MCPH1: variants seen among roughly 807,000 people sequenced by gnomAD.
The protein encoded by MCPH1 is microcephalin.
MCPH1 carries 104 observed loss-of-function variants against 84.5 expected under a neutral mutation model. That is an observed-to-expected ratio of 1.23 (90% confidence interval 1.05 to 1.45). The LOEUF (loss-of-function observed/expected upper bound fraction) is 1.45. Among genes scored for constraint, MCPH1 ranks in the 40% most tolerant of loss-of-function variants. The pLI is 0.00. For missense variants in MCPH1, 1,498 were observed against 1,005.7 expected, an observed-to-expected ratio of 1.49 and a Z score of -6.62; for synonymous variants, 514 against 366.8, an observed-to-expected ratio of 1.40 and a Z score of -4.58.
chr8:6,599,942 C>G (rs1240405562), intron 12 of MCPH1, among the ~76,000 whole-genome samples: 1 of 152,210 alleles, frequency 6.6e-6, no homozygotes, highest in Non-Finnish European at 1.5e-5. Flanking sequence ...GTAACCATTA[C>G]TCTGGGGAAT....
chr8:6,553,199 G>C (rs1415599336), intron 12 of MCPH1, among the ~76,000 whole-genome samples: 1 of 152,278 alleles, frequency 6.6e-6, no homozygotes, highest in African/African-American at 2.4e-5. Flanking sequence ...TGTGTGCCAC[G>C]GAGGGGGGAT....
chr8:6,487,976 A>G (rs1325897326), intron 11 of MCPH1, among the ~76,000 whole-genome samples: 1 of 152,252 alleles, frequency 6.6e-6, no homozygotes, highest in Non-Finnish European at 1.5e-5. Context: ...GTTTTAAGGC[A>G]GTGACTATGG....
At chr8:6,606,717 G>C (rs1454330873) in intron 12 of MCPH1, among the ~76,000 whole-genome samples, 1 of 152,208 alleles carries the variant, frequency 6.6e-6, no homozygotes, top group African/African-American at 2.4e-5. Flanking sequence ...ATGCGGTTTG[G>C]CTATGTCCCC....
At chr8:6,529,011 C>G (rs1456313415) in intron 12 of MCPH1, among the ~76,000 whole-genome samples, 1 of 152,178 alleles carries the variant, frequency 6.6e-6, no homozygotes, top group African/African-American at 2.4e-5. Flanking sequence ...TTGGTTATTT[C>G]TAAAAGGAAC....
At chr8:6,514,549 G>T in intron 12 of MCPH1, 1 of 795,154 alleles carries the variant, frequency 1.3e-6, no homozygotes. Flanking sequence ...GGAGACTGAA[G>T]CACCAATTTT....
intron 12 of MCPH1, among the ~76,000 whole-genome samples, chr8:6,518,621 T>C (rs537737678): frequency 3.5e-4 from 53 of 152,322 alleles, no homozygotes; most frequent in African/African-American, 1.3e-3. Context: ...AAAGTGTTTT[T>C]CTTTGATACT....
intron 2 of MCPH1, among the ~76,000 whole-genome samples, chr8:6,413,912 G>T (rs185230781): frequency 2.6e-5 from 4 of 151,940 alleles, no homozygotes; most frequent in Admixed American, 2.0e-4. Flanking sequence ...GAACCTCCAC[G>T]CTTGGCTAAT....
At chr8:6,605,411 A>T (rs1829684714) in intron 12 of MCPH1, among the ~76,000 whole-genome samples, 1 of 152,174 alleles carries the variant, frequency 6.6e-6, no homozygotes, top group Non-Finnish European at 1.5e-5. Context: ...TGCATTCCCC[A>T]AAAGCAGAAA....
chr8:6,421,502 G>GTTTATTATT (rs1800192196), intron 3 of MCPH1, among the ~76,000 whole-genome samples: 1 of 150,354 alleles, frequency 6.7e-6, no homozygotes, highest in Non-Finnish European at 1.5e-5. Context: ...CTGCCATACT[G>GTTTATTATT]TTTATTTTTT....
At chr8:6,579,723 A>C (rs1827397983) in intron 12 of MCPH1, among the ~76,000 whole-genome samples, 1 of 152,222 alleles carries the variant, frequency 6.6e-6, no homozygotes, top group African/African-American at 2.4e-5. Context: ...GAAAAACCAA[A>C]GGACACCAAC....
At chr8:6,406,766 G>C (rs544543575) in intron 1 of MCPH1, 77 bp downstream of exon 1, 50 of 1,525,356 alleles carry the variant, frequency 3.3e-5, no homozygotes, top group Non-Finnish European at 6.3e-6. Context: ...GCACTCGGGG[G>C]ATCCCGTGGG....
intron 12 of MCPH1, among the ~76,000 whole-genome samples, chr8:6,541,791 G>A (rs1175260770): frequency 6.6e-6 from 1 of 152,084 alleles, no homozygotes; most frequent in East Asian, 1.9e-4. Flanking sequence ...ATCACTTGAG[G>A]TCAGCAGTTC....
intron 11 of MCPH1, among the ~76,000 whole-genome samples, chr8:6,497,903 C>G (rs992341662): frequency 1.2e-4 from 18 of 152,252 alleles, no homozygotes; most frequent in Non-Finnish European, 1.5e-5. Flanking sequence ...TTATGATGTC[C>G]TATACCACAA....
Position 6,444,746 on chromosome 8 carries a change from C to T in MCPH1, c.1024C>T (p.His342Tyr), listed in dbSNP as rs866353500. The change falls in exon 8 of 14, where the codon CAC (histidine) becomes TAC (tyrosine). Residue 342 changes from histidine to tyrosine, a missense_variant. Transcript: ENST00000344683. Reference protein sequence around the residue: ...LSPTLSSTKGHLLIHSRPRSS... With the variant: ...LSPTLSSTKGYLLIHSRPRSS... ...TCCTACCTTATCTTCAACAAAAGGC[C>T]ACCTTTTGATACATTCAAGACCCAG... 4 of 1,614,008 alleles carry T rather than the reference C, an allele frequency of 2.5e-6. No homozygotes were observed. In the African/African-American group the frequency reaches 4.0e-5, roughly 16 times the overall value.
At chr8:6,481,562 C>G (rs115296344) in intron 11 of MCPH1, among the ~76,000 whole-genome samples, 92 of 152,272 alleles carry the variant, frequency 6.0e-4, no homozygotes, top group Non-Finnish European at 9.0e-4. Flanking sequence ...TATCCGTCTT[C>G]CCTCCTCCTC....
At chr8:6,479,903 G>C (rs1209941815) in intron 10 of MCPH1, among the ~76,000 whole-genome samples, 2 of 152,088 alleles carry the variant, frequency 1.3e-5, no homozygotes, top group Non-Finnish European at 1.5e-5. Context: ...TCCCAGATTT[G>C]ATTTGATGAT....
intron 12 of MCPH1, chr8:6,521,152 G>A (rs1817257216): frequency 6.3e-7 from 1 of 1,592,276 alleles, no homozygotes; most frequent in Non-Finnish European, 8.6e-7. Context: ...TATTAACGCT[G>A]AAGAAAGCAT....
chr8:6,478,894 C>A (rs1808821432), intron 10 of MCPH1, among the ~76,000 whole-genome samples: 3 of 152,146 alleles, frequency 2.0e-5, no homozygotes. Context: ...AATTTAAAAG[C>A]ATGATATAAT....
At chr8:6,558,586 T>C (rs1422877229) in intron 12 of MCPH1, among the ~76,000 whole-genome samples, 1 of 152,158 alleles carries the variant, frequency 6.6e-6, no homozygotes, top group East Asian at 1.9e-4. Flanking sequence ...TTGACAACTG[T>C]AAAGAGCCAC....
Sources: gnomAD v4.1 joint callset for allele counts (sites outside exome capture counted in the v4.1 genomes callset) on GRCh38, gnomAD v4.1.1 for gene constraint, MANE v1.5 for transcripts, NCBI Gene and HGNC (gene_info 2026-07-23, HGNC 2026-07-21) for gene names.